Variants in TTN observed in about 807,000 individuals in gnomAD.
TTN encodes connectin.
A neutral mutation model predicts 3,223.0 loss-of-function variants in TTN; 1,525 were observed. The ratio of observed to expected loss-of-function variants is 0.47; its 90% CI spans 0.45 to 0.49. The LOEUF is 0.49. Ranked by LOEUF, TTN falls within the 20% of genes least tolerant of loss-of-function variation. TTN has a pLI of 0.00. For synonymous variants in TTN, 14,094 were observed against 15,161.0 expected, an observed-to-expected ratio of 0.93 and a Z score of 5.17; for missense variants, 40,786 against 43,424.0, an observed-to-expected ratio of 0.94 and a Z score of 5.40.
chr2:178,727,506 T>C (rs1370743470), intron 68 of TTN, 79 bp downstream of exon 68: 2 of 1,509,878 alleles, frequency 1.3e-6, no homozygotes, highest in African/African-American at 2.8e-5. Flanking sequence ...CTTTCTTGAT[T>C]GTTTAGAGAC....
At position 178,777,139 on chromosome 2, in the gene TTN, C is replaced by A; in HGVS notation, c.4814+10G>T. On this transcript the variant is annotated intron_variant, in intron 27 of 362. Transcript: ENST00000589042. ...TATAATGAGCTTAGCTTTATTATTT[C>A]CATACTTACCTGATTTTGGGATATT... The A allele has an allele frequency of 6.2e-7, 1 of 1,614,042 alleles. No homozygotes were observed. Among genetic ancestry groups the A allele is most frequent in the Non-Finnish European group, 8.5e-7 (1 of 1,179,970 alleles).
chr2:178,647,396 C>A lies in TTN; in HGVS notation c.40126G>T (p.Val13376Phe). ...AGCCGTGTACCTTCAGCAGGTGGAACTTCTGGCTCTGCAGGGATAGGCACA... is the reference window on the plus strand; with the variant it reads ...AGCCGTGTACCTTCAGCAGGTGGAAATTCTGGCTCTGCAGGGATAGGCACA... ...VSVPIPAEPE[V>F]PPAEVEETPE... Residue 13376 changes from valine to phenylalanine, a missense_variant, in exon 214 of 363, where the codon GTT (valine) becomes TTT (phenylalanine). Val to Phe is a conservative substitution (Grantham distance 50). Transcript: ENST00000589042. 4.5e-6 allele frequency: 7 copies of A among 1,549,658 alleles called. No individual in the cohort carries two copies. Among genetic ancestry groups the A allele is most frequent in the Non-Finnish European group, 6.1e-6 (7 of 1,146,416 alleles).
chr2:178,552,516 T>C lies in TTN; in HGVS notation c.90384A>G (p.Thr30128=), dbSNP rs1244636541. The change falls in exon 335 of 363, where the codon ACA becomes ACG. Residue 30128 remains threonine, a synonymous_variant. Coordinates refer to ENST00000589042, the MANE Select transcript of TTN (RefSeq NM_001267550.2). ...GPITVKELII[T]PEVDLSDIPG... The stretch of plus-strand genomic sequence containing the variant: ...GGATATCTGACAGGTCAACTTCAGG[T>C]GTAATAATAAGTTCTTTCACTGTAA... The C allele has an allele frequency of 6.2e-7, 1 of 1,613,554 alleles. No individual in the cohort carries two copies. The highest frequency in any genetic ancestry group is 2.2e-5 in the East Asian group (1 of 44,788).
chr2:178,621,704 A>T lies in TTN; in HGVS notation c.45120T>A (p.Ile15040=). 6.2e-7 allele frequency: 1 copy of T among 1,611,844 alleles called. No individual in the cohort carries two copies. Among genetic ancestry groups the T allele is most frequent in the Non-Finnish European group, 8.5e-7 (1 of 1,178,916 alleles). Residue 15040 remains isoleucine (I), a synonymous_variant, in exon 245 of 363, where the codon ATT becomes ATA. Coordinates refer to ENST00000589042, the MANE Select transcript of TTN (RefSeq NM_001267550.2). ...TTATAGTGTCTGTTTCACTAACTTCAATGTTGGCAAGATTTTTGGTAAAGA... is the reference window on the plus strand; with the variant it reads ...TTATAGTGTCTGTTTCACTAACTTCTATGTTGGCAAGATTTTTGGTAAAGA... ...EAVFTKNLAN[I]EVSETDTIKL... is the part of the protein sequence containing the mutation.
In TTN at chr2:178,684,383, TC is replaced by T; in HGVS notation, c.32668del (p.Glu10890LysfsTer8). 6.2e-7 allele frequency: 1 copy of T among 1,613,636 alleles called. No individual in the cohort carries two copies. The highest frequency in any genetic ancestry group is 8.5e-7 in the Non-Finnish European group (1 of 1,179,640). On this transcript the variant is annotated frameshift_variant, in exon 132 of 363. Coordinates refer to ENST00000589042, the MANE Select transcript of TTN (RefSeq NM_001267550.2). LOFTEE classifies it high-confidence loss of function. Reference sequence around the variant, plus strand: ...AGTTACAGCAACAAGAACTTTTTCTTCCTGGGTAATTTGCATGTGCCTCTCA... The same window carrying T: ...AGTTACAGCAACAAGAACTTTTTCTTCTGGGTAATTTGCATGTGCCTCTCA... ...VTERHMQITQEEKVLVAVTKK... is the reference protein window; with the variant it reads ...VTERHMQITQXEKVLVAVTKK...
At position 178,684,685 on chromosome 2, in the gene TTN, T is replaced by A. The variant is rs769576795; in HGVS notation, c.32619A>T (p.Glu10873Asp). 1 of 1,611,000 alleles carries A rather than the reference T, an allele frequency of 6.2e-7. No homozygotes were observed. The highest frequency in any genetic ancestry group is 1.1e-5 in the South Asian group (1 of 90,114). ...KKVPPKVIKMEEPLPAKVTER... is the reference protein window; with the variant it reads ...KKVPPKVIKMDEPLPAKVTER... ...GTTTACCTTTGGCTGGGAGAGGTTCTTCCATCTTAATGACTTTTGGAGGAA... is the reference window on the plus strand; with the variant it reads ...GTTTACCTTTGGCTGGGAGAGGTTCATCCATCTTAATGACTTTTGGAGGAA... The change falls in exon 131 of 363, where the codon GAA becomes GAT. Residue 10873 changes from glutamate to aspartate, a missense_variant. By Grantham distance (45) the Glu-to-Asp change is conservative. Transcript: ENST00000589042.
At chr2:178,633,361 T>C in intron 232 of TTN, 35 bp from the exon 233 acceptor site, 2 of 1,612,972 alleles carry the variant, frequency 1.2e-6, no homozygotes, top group Non-Finnish European at 1.7e-6. Context: ...ATGACTGAAC[T>C]AATAAACTGC....
Position 178,565,689 on chromosome 2 carries a change from A to C in TTN, c.80443T>G (p.Tyr26815Asp). The change falls in exon 326 of 363, where the codon TAC becomes GAC. Residue 26815 changes from tyrosine to aspartate, a missense_variant. Transcript: ENST00000589042. Reference protein sequence around the residue: ...EHDGGSRVLGYVVEMQPKGTE... With the variant: ...EHDGGSRVLGDVVEMQPKGTE... ...CCTTTGGGCTGCATTTCAACAACGT[A>C]CCCCAGGACTCTGCTACCGCCATCA... The C allele has an allele frequency of 6.2e-7, 1 of 1,613,580 alleles. No homozygotes were observed. Among genetic ancestry groups the C allele is most frequent in the Non-Finnish European group, 8.5e-7 (1 of 1,179,630 alleles).
chr2:178,651,721 T>G lies in TTN; in HGVS notation c.39408A>C (p.Pro13136=). 6.2e-7 allele frequency: 1 copy of G among 1,613,334 alleles called. No individual in the cohort carries two copies. Residue 13136 remains proline (P), a synonymous_variant, in exon 206 of 363, where the codon CCA becomes CCC. Coordinates refer to ENST00000589042, the MANE Select transcript of TTN (RefSeq NM_001267550.2). ...QVTVPPKKPV[P]EKKAPAVVAK... is the part of the protein sequence containing the mutation. ...CAACGACAGCAGGTGCTTTCTTTTC[T>G]GGGACAGGTTTCTTAGGTGGTACGG...
chr2:178,782,973 C>G lies in TTN; in HGVS notation c.2933G>C (p.Arg978Thr). 1.2e-6 allele frequency: 2 copies of G among 1,614,164 alleles called. No homozygotes were observed. Among genetic ancestry groups the G allele is most frequent in the Non-Finnish European group, 1.7e-6 (2 of 1,180,014 alleles). Residue 978 changes from arginine to threonine, a missense_variant, in exon 18 of 363, where the codon AGG becomes ACG. Arg to Thr is a moderately conservative substitution (Grantham distance 71, BLOSUM62 -1). Transcript: ENST00000589042. ...GYPSPTVTWY[R>T]EDYQIESSID... is the part of the protein sequence containing the mutation. ...GGAACTTTCGATTTGGTAGTCTTCC[C>G]TGTACCATGTCACTGTCGGGGATGG...
Position 178,572,699 on chromosome 2 carries a change from G to A in TTN, c.73433C>T (p.Thr24478Ile). 1.9e-6 allele frequency: 3 copies of A among 1,613,460 alleles called. No individual in the cohort carries two copies. Among genetic ancestry groups the A allele is most frequent in the Non-Finnish European group, 2.5e-6 (3 of 1,179,588 alleles). Residue 24478 changes from threonine to isoleucine, a missense_variant, in exon 326 of 363, where the codon ACA becomes ATA. Transcript: ENST00000589042. ...AACAATAAGCAGGGTGTAAGAGCTT[G>A]TGGATTCGATGCTAGCTTTATCTAA... ...ESLDKASIES[T>I]SSYTLLIVGN... is the part of the protein sequence containing the mutation.
chr2:178,699,362 T>G (rs2074360255), intron 111 of TTN, among the ~76,000 whole-genome samples: 1 of 148,824 alleles, frequency 6.7e-6, no homozygotes, highest in Non-Finnish European at 1.5e-5. Flanking sequence ...TGGCCTTTTG[T>G]ATTCATGAAT....
chr2:178,749,913 C>A, intron 47 of TTN: 2 of 1,613,142 alleles, frequency 1.2e-6, no homozygotes, highest in African/African-American at 1.3e-5. Flanking sequence ...TTTGGCATTT[C>A]TTGTAACATT....
At chr2:178,799,955 C>G in intron 4 of TTN, 45 bp from the exon 5 acceptor site, 2 of 1,588,566 alleles carry the variant, frequency 1.3e-6, no homozygotes, top group Non-Finnish European at 1.7e-6. Flanking sequence ...GCACAATGAC[C>G]CATTTTAAAA....
In TTN at chr2:178,707,657, C is replaced by T; in HGVS notation, c.28910G>A (p.Ser9637Asn). 2 of 1,613,930 alleles carry T rather than the reference C, an allele frequency of 1.2e-6. No individual in the cohort carries two copies. Among genetic ancestry groups the T allele is most frequent in the Non-Finnish European group, 1.7e-6 (2 of 1,179,856 alleles). The change falls in exon 100 of 363, where the codon AGC (serine) becomes AAC (asparagine). Residue 9637 changes from serine (S) to asparagine (N), a missense_variant. By Grantham distance (46) the Ser-to-Asn change is conservative (BLOSUM62 1). Coordinates refer to ENST00000589042, the MANE Select transcript of TTN (RefSeq NM_001267550.2). ...AGCTGTCCCACTAGCAAAGCTGAAG[C>T]TGCATCTGTCTGAAGGCTTTATTTC... ...GREIKPSDRCSFSFASGTAVL... is the reference protein window; with the variant it reads ...GREIKPSDRCNFSFASGTAVL...
rs778054221 is a variant in TTN, at chr2:178,678,160, G to A, written c.33959C>T (p.Pro11320Leu). ...KLIPEEKKPT[P>L]VPKKVEAPPP... Reference sequence around the variant, plus strand: ...TGGTGCTTCCACTTTTTTCGGAACAGGTGTTGGTTTCTTTTCTTCTGGGAT... The same window carrying A: ...TGGTGCTTCCACTTTTTTCGGAACAAGTGTTGGTTTCTTTTCTTCTGGGAT... Residue 11320 changes from proline to leucine, a missense_variant, in exon 145 of 363, where the codon CCT (proline) becomes CTT (leucine). Transcript: ENST00000589042. 1 of 1,611,364 alleles carries A rather than the reference G, an allele frequency of 6.2e-7. No individual in the cohort carries two copies. The highest frequency in any genetic ancestry group is 8.5e-7 in the Non-Finnish European group (1 of 1,178,966).
In TTN at chr2:178,624,690, C is replaced by A. The variant is rs535221404; in HGVS notation, c.44590G>T (p.Val14864Phe). The A allele has an allele frequency of 2.5e-6, 4 of 1,612,436 alleles. No homozygotes were observed. In the Admixed American group the frequency reaches 6.7e-5, roughly 27 times the overall value. Residue 14864 changes from valine (V) to phenylalanine (F), a missense_variant, in exon 242 of 363, where the codon GTC becomes TTC. By Grantham distance (50) the Val-to-Phe change is conservative (BLOSUM62 -1). Transcript: ENST00000589042. ...EFTKPLEDQTVEEGATAVLEC... is the reference protein window; with the variant it reads ...EFTKPLEDQTFEEGATAVLEC... ...AGCACTGCAGTGGCTCCCTCTTCGA[C>A]CGTCTGGTCCTCAAGAGGCTTAGTG... is the stretch of plus-strand genomic sequence containing the variant.
At chr2:178,580,876 G>A in intron 316 of TTN, 1 of 373,574 alleles carries the variant, frequency 2.7e-6, no homozygotes, top group Non-Finnish European at 4.7e-6. Flanking sequence ...ACTCTGAAAT[G>A]CTACATATAT....
intron 106 of TTN, among the ~76,000 whole-genome samples, chr2:178,703,870 C>T (rs1304522206): frequency 6.6e-6 from 1 of 152,126 alleles, no homozygotes; most frequent in African/African-American, 2.4e-5. Context: ...ATATGAGAAT[C>T]ATGAAATTTA....
Sources: gnomAD v4.1 joint callset for allele counts (sites outside exome capture counted in the v4.1 genomes callset) on GRCh38, gnomAD v4.1.1 for gene constraint, MANE v1.5 for transcripts, NCBI Gene and HGNC (gene_info 2026-07-23, HGNC 2026-07-21) for gene names.